ELP4: variants seen among roughly 807,000 people sequenced by gnomAD.
ELP4 encodes the protein elongator complex protein 4.
Under a neutral mutation model 48.9 loss-of-function variants are expected in ELP4, and 51 were observed. The ratio of observed to expected loss-of-function variants is 1.04; its 90% CI spans 0.83 to 1.32. The LOEUF (loss-of-function observed/expected upper bound fraction) is 1.32. Among genes scored for constraint, ELP4 ranks in the 40% most tolerant of loss-of-function variants. The pLI is 0.00. For synonymous variants in ELP4, 210 were observed against 189.2 expected, an observed-to-expected ratio of 1.11 and a Z score of -0.90; for missense variants, 519 against 514.6, an observed-to-expected ratio of 1.01 and a Z score of -0.08.
chr11:31,519,942 C>A, intron 1 of ELP4, 114 bp from the exon 2 acceptor site: 2 of 876,100 alleles, frequency 2.3e-6, no homozygotes, highest in Non-Finnish European at 3.5e-6. Context: ...AAATGTTGTT[C>A]ACAACTACTG....
At chr11:31,546,002 A>C (rs909743782) in intron 3 of ELP4, among the ~76,000 whole-genome samples, 5 of 152,172 alleles carry the variant, frequency 3.3e-5, no homozygotes, top group African/African-American at 7.2e-5. Flanking sequence ...CATGGAAAGG[A>C]ACAACCGGTA....
In ELP4 at chr11:31,698,542, A is replaced by G. The variant is rs1330660929; in HGVS notation, c.1143+48321A>G. On this transcript the variant is annotated intron_variant, in intron 9 of 9. Coordinates refer to ENST00000640961, the MANE Select transcript of ELP4 (RefSeq NM_019040.5). ...ATTCTCCCTCCTTAGCCTCCCGAGT[A>G]GCTGGGATCACAGGCGTGGGCCACC... Among the ~76,000 whole-genome samples, 8 of 152,090 alleles carry G rather than the reference A, an allele frequency of 5.3e-5. No individual in the cohort carries two copies. The East Asian group carries it at 1.4e-3, about 26-fold the overall frequency.
intron 9 of ELP4, among the ~76,000 whole-genome samples, chr11:31,672,701 A>G (rs2134109099): frequency 6.6e-6 from 1 of 152,278 alleles, no homozygotes; most frequent in South Asian, 2.1e-4. Flanking sequence ...CTGAGGTAGG[A>G]TCACCTGAGC....
At chr11:31,649,109 G>A (rs1457021569) in intron 8 of ELP4, 3 of 151,576 alleles carry the variant, frequency 2.0e-5, no homozygotes, top group Non-Finnish European at 3.0e-5. Context: ...AGGTATTTTA[G>A]TTAATTATTT....
intron 3 of ELP4, among the ~76,000 whole-genome samples, chr11:31,585,033 G>T (rs1957451071): frequency 6.6e-6 from 1 of 152,166 alleles, no homozygotes; most frequent in East Asian, 1.9e-4. Context: ...TTTAGGGTAA[G>T]ATATCAGAGT....
intron 1 of ELP4, among the ~76,000 whole-genome samples, chr11:31,513,500 G>A (rs1264722692): frequency 3.9e-5 from 6 of 152,112 alleles, no homozygotes; most frequent in Non-Finnish European, 7.4e-5. Flanking sequence ...ATACTTTTTT[G>A]TAATTTTAAG....
intron 9 of ELP4, among the ~76,000 whole-genome samples, chr11:31,773,843 G>A (rs1948195461): frequency 6.6e-6 from 1 of 152,162 alleles, no homozygotes; most frequent in African/African-American, 2.4e-5. Context: ...GATGGATGCT[G>A]AGCACCCATT....
intron 3 of ELP4, among the ~76,000 whole-genome samples, chr11:31,568,300 A>G (rs1957145069): frequency 6.6e-6 from 1 of 152,222 alleles, no homozygotes; most frequent in African/African-American, 2.4e-5. Context: ...GATGACACAA[A>G]TGAAAAAGTC....
intron 9 of ELP4, among the ~76,000 whole-genome samples, chr11:31,703,914 A>G (rs1485387900): frequency 6.6e-6 from 1 of 152,204 alleles, no homozygotes; most frequent in Non-Finnish European, 1.5e-5. Context: ...CAACTTGAAT[A>G]TATATGTCCA....
rs760479237 is a variant in ELP4, at chr11:31,539,744, G to T, written c.342G>T (p.Leu114Phe). The part of the protein sequence containing the change: ...AEGIVNGHTL[L>F]VASAKEDPAN... ...GAATTGTCAATGGGCATACTTTGTT[G>T]GTTGCATCTGCTAAAGAGGATCCTG... The change falls in exon 3 of 10, where the codon TTG becomes TTT. Residue 114 changes from leucine (L) to phenylalanine (F), a missense_variant. By Grantham distance (22) the Leu-to-Phe change is conservative (BLOSUM62 0). Coordinates refer to ENST00000640961, the MANE Select transcript of ELP4 (RefSeq NM_019040.5). 1 of 1,611,100 alleles carries T rather than the reference G, an allele frequency of 6.2e-7. No individual in the cohort carries two copies. The highest frequency in any genetic ancestry group is 8.5e-7 in the Non-Finnish European group (1 of 1,178,644).
At chr11:31,582,237 T>C (rs1957404042) in intron 3 of ELP4, among the ~76,000 whole-genome samples, 2 of 152,204 alleles carry the variant, frequency 1.3e-5, no homozygotes, top group Non-Finnish European at 2.9e-5. Flanking sequence ...TAGGATTGAT[T>C]TGAGGATTAA....
At chr11:31,746,633 C>T (rs1947598588) in intron 9 of ELP4, among the ~76,000 whole-genome samples, 1 of 151,940 alleles carries the variant, frequency 6.6e-6, no homozygotes, top group African/African-American at 2.4e-5. Flanking sequence ...CAAACTATCG[C>T]AAGGACAAAA....
chr11:31,653,576 G>T (rs934606068), intron 9 of ELP4: 1 of 151,584 alleles, frequency 6.6e-6, no homozygotes, highest in Non-Finnish European at 1.5e-5. Context: ...CACATAAATG[G>T]TGTCTTTTTC....
At chr11:31,580,971 A>G (rs1457046985) in intron 3 of ELP4, among the ~76,000 whole-genome samples, 1 of 152,110 alleles carries the variant, frequency 6.6e-6, no homozygotes, top group Non-Finnish European at 1.5e-5. Context: ...ACAATTTCTT[A>G]TTCAGTCAAA....
intron 9 of ELP4, among the ~76,000 whole-genome samples, chr11:31,783,057 A>T (rs959933879): frequency 3.3e-5 from 5 of 152,252 alleles, no homozygotes; most frequent in Non-Finnish European, 7.3e-5. Context: ...TATTTATGCG[A>T]TATTTCCAAC....
chr11:31,690,796 CT>C lies in ELP4; in HGVS notation c.1143+40594del, dbSNP rs10653769. 3.5e-3 allele frequency among the ~76,000 whole-genome samples: 380 copies of C among 109,596 alleles called. 1 individual carries two copies. Among genetic ancestry groups the C allele is most frequent in the East Asian group, 9.2e-3 (35 of 3,794 alleles). The allele number at this position is 109,596 out of a possible 152,430, so 71.9% of individuals were successfully genotyped here. The stretch of plus-strand genomic sequence containing the variant: ...CTTAGTTTCATGTGGGTTTTTTTTC[CT>C]TTTTTTTTTTTTTTTTTTGCCGCAG... On this transcript the variant is annotated intron_variant, in intron 9 of 9. Coordinates refer to ENST00000640961, the MANE Select transcript of ELP4 (RefSeq NM_019040.5).
chr11:31,542,469 G>GT (rs1368197224), intron 3 of ELP4, among the ~76,000 whole-genome samples: 2 of 152,172 alleles, frequency 1.3e-5, no homozygotes, highest in Non-Finnish European at 2.9e-5. Context: ...AATATTAGAA[G>GT]TAACAATCCC....
Position 31,553,438 on chromosome 11 carries a change from C to T in ELP4, c.381+13655C>T, listed in dbSNP as rs115180642. Among the ~76,000 whole-genome samples the T allele has an allele frequency of 5.6e-3, 858 of 152,114 alleles. 11 individuals carry two copies. The highest frequency in any genetic ancestry group is 0.02 in the African/African-American group (825 of 41,504). On this transcript the variant is annotated intron_variant, in intron 3 of 9. Coordinates refer to ENST00000640961, the MANE Select transcript of ELP4 (RefSeq NM_019040.5). The stretch of plus-strand genomic sequence containing the variant: ...AATAAAACAAAAACGCTGACCATCC[C>T]GAGTCAGAGAAATTTTCCTGCCTGT...
chr11:31,568,117 AC>A (rs1368953857), intron 3 of ELP4, among the ~76,000 whole-genome samples: 1 of 152,228 alleles, frequency 6.6e-6, no homozygotes, highest in Non-Finnish European at 1.5e-5. Context: ...GTTTCAAGAT[AC>A]AAAATCAATG....
Sources: gnomAD v4.1 joint callset for allele counts (sites outside exome capture counted in the v4.1 genomes callset) on GRCh38, gnomAD v4.1.1 for gene constraint, MANE v1.5 for transcripts, NCBI Gene and HGNC (gene_info 2026-07-23, HGNC 2026-07-21) for gene names.